Variants in SLC25A21 observed in about 807,000 individuals in gnomAD.
SLC25A21 encodes solute carrier family 25 member 21.
In SLC25A21, 47 loss-of-function variants were observed where a neutral mutation model predicts 43.8. That is an observed-to-expected ratio of 1.07 (90% CI 0.85 to 1.37). The LOEUF is 1.37. Among genes scored for constraint, SLC25A21 ranks in the 40% most tolerant of loss-of-function variants. SLC25A21 has a pLI of 0.00. For missense variants in SLC25A21, 352 were observed against 350.2 expected, an observed-to-expected ratio of 1.00 and a Z score of -0.04; for synonymous variants, 131 against 121.3, an observed-to-expected ratio of 1.08 and a Z score of -0.52.
At position 36,678,706 on chromosome 14, in the gene SLC25A21, T is replaced by A; in HGVS notation, c.*1952A>T. On this transcript the variant is annotated 3_prime_UTR_variant, in exon 10 of 10. Transcript: ENST00000331299. ...AATGCAAATAATGTTATTTTCTTTA[T>A]CTAAATTAAGAAATCTCTTGTTATT... 8.1e-7 allele frequency: 1 copy of A among 1,227,838 alleles called. No homozygotes were observed. Among genetic ancestry groups the A allele is most frequent in the Non-Finnish European group, 1.0e-6 (1 of 982,758 alleles). The allele number at this position is 1,227,838 out of a possible 1,614,324, so 76.1% of individuals were successfully genotyped here.
intron 2 of SLC25A21, chr14:36,870,908 T>G (rs1890350542): frequency 6.6e-6 from 1 of 152,104 alleles, no homozygotes; most frequent in African/African-American, 2.4e-5. Flanking sequence ...GTATCATATT[T>G]CTTCTCCTTC....
intron 1 of SLC25A21, among the ~76,000 whole-genome samples, chr14:37,145,238 T>C (rs779018948): frequency 3.9e-5 from 6 of 151,934 alleles, no homozygotes; most frequent in Non-Finnish European, 8.8e-5. Context: ...AGAATCCCCA[T>C]AGAATACTAC....
At chr14:36,877,096 A>G (rs2138559987) in intron 1 of SLC25A21, among the ~76,000 whole-genome samples, 1 of 152,286 alleles carries the variant, frequency 6.6e-6, no homozygotes, top group Middle Eastern at 3.4e-3. Context: ...GCAGAAATTC[A>G]TTAAGTGCAC....
intron 1 of SLC25A21, among the ~76,000 whole-genome samples, chr14:37,166,598 C>T (rs917070780): frequency 6.6e-6 from 1 of 152,178 alleles, no homozygotes; most frequent in African/African-American, 2.4e-5. Context: ...AGAACTGGAT[C>T]CGGCATTTAG....
chr14:37,038,719 G>A (rs1188876589), intron 1 of SLC25A21, among the ~76,000 whole-genome samples: 1 of 152,174 alleles, frequency 6.6e-6, no homozygotes, highest in African/African-American at 2.4e-5. Flanking sequence ...CAATTTTGCA[G>A]AATATAGACT....
At chr14:36,775,759 C>T (rs1390599330) in intron 3 of SLC25A21, among the ~76,000 whole-genome samples, 1 of 152,172 alleles carries the variant, frequency 6.6e-6, no homozygotes, top group Non-Finnish European at 1.5e-5. Context: ...GTGCCAGTTG[C>T]CTACATTTAA....
intron 1 of SLC25A21, among the ~76,000 whole-genome samples, chr14:37,107,139 A>G (rs973227537): frequency 1.3e-4 from 20 of 151,922 alleles, no homozygotes; most frequent in African/African-American, 4.3e-4. Context: ...AATTATTACT[A>G]TTTTTTTTAA....
intron 6 of SLC25A21, among the ~76,000 whole-genome samples, chr14:36,724,704 C>T (rs919068270): frequency 2.6e-5 from 4 of 152,264 alleles, no homozygotes; most frequent in East Asian, 3.9e-4. Context: ...CTGCACAATA[C>T]GTCATGTACC....
At chr14:37,094,889 T>C (rs1962656586) in intron 1 of SLC25A21, among the ~76,000 whole-genome samples, 1 of 152,196 alleles carries the variant, frequency 6.6e-6, no homozygotes. Context: ...ACACCTATTG[T>C]ACAACATGGT....
chr14:36,915,906 C>A (rs1891818218), intron 1 of SLC25A21, among the ~76,000 whole-genome samples: 1 of 152,040 alleles, frequency 6.6e-6, no homozygotes, highest in South Asian at 2.1e-4. Context: ...ACCTAATCAG[C>A]ATCTCTAAAT....
chr14:37,124,274 C>T lies in SLC25A21; in HGVS notation c.70+48007G>A, dbSNP rs553269612. Among the ~76,000 whole-genome samples, 419 of 152,218 alleles carry T rather than the reference C, an allele frequency of 2.8e-3. 1 individual carries two copies. The highest frequency in any genetic ancestry group is 4.6e-3 in the Non-Finnish European group (310 of 68,018). ...TTTTAAAATAAAGAAAAAATAATAT[C>T]CTCTTTAAGATACTTCCTTCTTATT... On this transcript the variant is annotated intron_variant, in intron 1 of 9. Transcript: ENST00000331299.
rs1015160140 is a variant in SLC25A21 at position 36,980,912 on chromosome 14, A to C, written c.71-105908T>G. Among the ~76,000 whole-genome samples the C allele has an allele frequency of 2.0e-5, 3 of 152,216 alleles. No homozygotes were observed. In the East Asian group the frequency reaches 5.8e-4, roughly 29 times the overall value. The stretch of plus-strand genomic sequence containing the variant: ...ATCAGAGTGAACAGGCAACCTACAG[A>C]ATGGGAGAAAATTTTTACAATCTAC... On this transcript the variant is annotated intron_variant, in intron 1 of 9. Transcript: ENST00000331299.
chr14:37,084,995 A>G (rs1360019408), intron 1 of SLC25A21, among the ~76,000 whole-genome samples: 1 of 152,194 alleles, frequency 6.6e-6, no homozygotes, highest in Admixed American at 6.5e-5. Context: ...ATGAGGTTCA[A>G]TAAATTCTTT....
At chr14:36,748,818 A>C (rs761762883) in intron 3 of SLC25A21, among the ~76,000 whole-genome samples, 5 of 152,204 alleles carry the variant, frequency 3.3e-5, no homozygotes, top group Non-Finnish European at 7.3e-5. Context: ...TCTAACAGGC[A>C]TCTTGTAATT....
chr14:37,024,829 T>TTA (rs748016427), intron 1 of SLC25A21, among the ~76,000 whole-genome samples: 1 of 152,052 alleles, frequency 6.6e-6, no homozygotes, highest in Non-Finnish European at 1.5e-5. Context: ...ATCTCCTTAT[T>TTA]TATATATATC....
chr14:36,924,922 C>G (rs1411560977), intron 1 of SLC25A21, among the ~76,000 whole-genome samples: 2 of 151,950 alleles, frequency 1.3e-5, no homozygotes, highest in Non-Finnish European at 1.5e-5. Context: ...CTTTAGTATC[C>G]ATGTGGTGAT....
intron 1 of SLC25A21, among the ~76,000 whole-genome samples, chr14:37,028,705 G>A (rs1484772031): frequency 6.6e-6 from 1 of 152,036 alleles, no homozygotes; most frequent in South Asian, 2.1e-4. Flanking sequence ...ATAGGATAAC[G>A]TTTCTTCAAT....
chr14:37,162,163 C>G (rs968586512), intron 1 of SLC25A21, among the ~76,000 whole-genome samples: 1 of 152,028 alleles, frequency 6.6e-6, no homozygotes, highest in African/African-American at 2.4e-5. Context: ...AAGGAGCCAA[C>G]CCTGCCGACG....
At chr14:37,071,507 G>T (rs983409450) in intron 1 of SLC25A21, among the ~76,000 whole-genome samples, 1 of 152,156 alleles carries the variant, frequency 6.6e-6, no homozygotes, top group African/African-American at 2.4e-5. Context: ...AAGCAGCCCT[G>T]AGCTAGAAGG....
Sources: allele counts gnomAD v4.1 joint callset (sites outside exome capture counted in the v4.1 genomes callset), GRCh38; gene constraint gnomAD v4.1.1; transcripts MANE v1.5; gene names NCBI Gene and HGNC (gene_info 2026-07-23, HGNC 2026-07-21).